Variants in PLCL1 observed in about 807,000 individuals in gnomAD.
The protein encoded by PLCL1 is inactive phospholipase C-like protein 1.
In PLCL1, 41 loss-of-function variants were observed where a neutral mutation model predicts 84.4. The observed-to-expected ratio is 0.49, with a 90% CI of 0.38 to 0.63. The LOEUF (loss-of-function observed/expected upper bound fraction) is 0.63, where lower values mean the gene tolerates loss of function less well. Among genes scored for constraint, PLCL1 ranks in the 30% least tolerant of loss-of-function variants. The pLI is 0.00. For synonymous variants in PLCL1, 490 were observed against 488.3 expected, an observed-to-expected ratio of 1.00 and a Z score of -0.05; for missense variants, 1,206 against 1,367.8, an observed-to-expected ratio of 0.88 and a Z score of 1.87.
intron 1 of PLCL1, among the ~76,000 whole-genome samples, chr2:197,813,193 C>T (rs1405733574): frequency 2.2e-4 from 34 of 152,200 alleles, no homozygotes; most frequent in Middle Eastern, 3.2e-3. Flanking sequence ...TGCTCCCCTA[C>T]AGGTCAGCCC....
chr2:197,951,874 G>T (rs1689397363), intron 1 of PLCL1, among the ~76,000 whole-genome samples: 1 of 152,146 alleles, frequency 6.6e-6, no homozygotes, highest in Non-Finnish European at 1.5e-5. Context: ...CCCATTGATT[G>T]ATTGAGTGAT....
At chr2:197,848,420 T>C (rs1687161288) in intron 1 of PLCL1, among the ~76,000 whole-genome samples, 1 of 152,176 alleles carries the variant, frequency 6.6e-6, no homozygotes, top group African/African-American at 2.4e-5. Context: ...CAACGAGAAA[T>C]AAAGATAGCT....
chr2:198,146,873 G>GC lies in PLCL1; in HGVS notation c.3204dup (p.Ser1069GlnfsTer5). On this transcript the variant is annotated frameshift_variant, in exon 6 of 6. Coordinates refer to ENST00000428675, the MANE Select transcript of PLCL1 (RefSeq NM_006226.4). LOFTEE classifies it high-confidence loss of function. ...ATGCCTGTCCTGTGGACTGAGTAAA[G>GC]CCCCCAGCAGCAGTGCTGAGGCCAA... 6.2e-7 allele frequency: 1 copy of GC among 1,613,630 alleles called. No homozygotes were observed. The highest frequency in any genetic ancestry group is 8.5e-7 in the Non-Finnish European group (1 of 1,179,738).
intron 1 of PLCL1, among the ~76,000 whole-genome samples, chr2:197,893,522 A>C (rs1042838076): frequency 1.3e-5 from 2 of 152,178 alleles, no homozygotes; most frequent in African/African-American, 4.8e-5. Flanking sequence ...CCCTCAGAAC[A>C]GTCATGTGAA....
rs1377146833 is a variant in PLCL1, at chr2:198,149,182, A to G, written c.*2220A>G. 1 of 151,450 alleles carries G rather than the reference A, an allele frequency of 6.6e-6. No individual in the cohort carries two copies. The highest frequency in any genetic ancestry group is 2.5e-5 in the African/African-American group (1 of 40,702). 9.4% of individuals were successfully genotyped at this position (151,450 alleles called of 1,614,324 possible). ...TCCAGATAGAATAGCAAAAACAAAC[A>G]ATTTTTTTTTGTGTATTATGCCTCC... is the stretch of plus-strand genomic sequence containing the variant. On this transcript the variant is annotated 3_prime_UTR_variant, in exon 6 of 6. Coordinates refer to ENST00000428675, the MANE Select transcript of PLCL1 (RefSeq NM_006226.4).
intron 1 of PLCL1, among the ~76,000 whole-genome samples, chr2:197,981,762 G>T (rs6726506): frequency 0.72 from 109,107 of 152,022 alleles, 40,089 homozygotes; most frequent in African/African-American, 0.87. Context: ...GTAGAAAGAC[G>T]TCTCAAACTA....
intron 1 of PLCL1, among the ~76,000 whole-genome samples, chr2:198,063,259 C>A: frequency 6.6e-6 from 1 of 150,724 alleles, no homozygotes; most frequent in Non-Finnish European, 1.5e-5. Flanking sequence ...TAAATGCTAC[C>A]TTGAATAAAT....
At chr2:198,107,691 T>C (rs1232902112) in intron 5 of PLCL1, among the ~76,000 whole-genome samples, 1 of 151,940 alleles carries the variant, frequency 6.6e-6, no homozygotes, top group Non-Finnish European at 1.5e-5. Flanking sequence ...ATGTTTTTGT[T>C]TGGTTTAGTA....
At chr2:198,050,187 G>T (rs1284340194) in intron 1 of PLCL1, among the ~76,000 whole-genome samples, 3 of 152,168 alleles carry the variant, frequency 2.0e-5, no homozygotes, top group Non-Finnish European at 4.4e-5. Flanking sequence ...AACAGCTCCA[G>T]CTTAATATTC....
intron 1 of PLCL1, among the ~76,000 whole-genome samples, chr2:197,897,167 TC>T: frequency 2.2e-5 from 1 of 46,302 alleles, no homozygotes; most frequent in East Asian, 4.3e-4. Context: ...TTCTTCTTCT[TC>T]TTCTTCTTCT....
At chr2:198,138,823 T>C (rs1462645318) in intron 5 of PLCL1, among the ~76,000 whole-genome samples, 1 of 152,166 alleles carries the variant, frequency 6.6e-6, no homozygotes, top group Non-Finnish European at 1.5e-5. Context: ...GCTGGTATTA[T>C]CAATCACAAG....
At chr2:197,820,103 C>G (rs924156998) in intron 1 of PLCL1, among the ~76,000 whole-genome samples, 1 of 151,904 alleles carries the variant, frequency 6.6e-6, no homozygotes, top group Non-Finnish European at 1.5e-5. Context: ...AAGCAACCAC[C>G]GTTTATTGAG....
At position 198,101,144 on chromosome 2, in the gene PLCL1, C is replaced by T. The variant is rs1693321426; in HGVS notation, c.2920-141C>T. The T allele has an allele frequency of 4.6e-6, 3 of 653,960 alleles. No individual in the cohort carries two copies. The East Asian group carries it at 7.8e-5, about 17-fold the overall frequency. The allele number at this position is 653,960 out of a possible 1,614,324, so 40.5% of individuals were successfully genotyped here. A position where few individuals can be genotyped will look rare whatever the true frequency, so the allele number is the denominator to read the frequency against. On this transcript the variant is annotated intron_variant, in intron 3 of 5. Transcript: ENST00000428675. ...GGATGGGGGTTGGAACAGAGCTTAT[C>T]CTTCTCCCTCCCATCTGTTGTGGTG...
rs143616616 is a variant in PLCL1, at chr2:197,960,913, G to A, written c.241-122845G>A. On this transcript the variant is annotated intron_variant, in intron 1 of 5. Transcript: ENST00000428675. ...TCCTTCATAAAAGTAATTCGGTAATGTTAGAATCTCTGTCAGTTTCTTGGC... is the reference window on the plus strand; with the variant it reads ...TCCTTCATAAAAGTAATTCGGTAATATTAGAATCTCTGTCAGTTTCTTGGC... 3.2e-3 allele frequency among the ~76,000 whole-genome samples: 481 copies of A among 152,138 alleles called. 6 individuals are homozygous for A. Among genetic ancestry groups the A allele is most frequent in the African/African-American group, 0.011 (464 of 41,536 alleles).
intron 1 of PLCL1, among the ~76,000 whole-genome samples, chr2:197,857,308 GCATGCTTTTAAATCACCACCAGTACAA>G (rs1687348274): frequency 6.6e-6 from 1 of 151,916 alleles, no homozygotes; most frequent in South Asian, 2.1e-4. Flanking sequence ...AGGCTGCCTG[GCATGCTTTTAAATCACCACCAGTACAA>G]CCTCTGCAGA....
intron 1 of PLCL1, among the ~76,000 whole-genome samples, chr2:197,981,613 G>A (rs13394871): frequency 0.49 from 74,137 of 151,982 alleles, 18,590 homozygotes; most frequent in Middle Eastern, 0.58. Flanking sequence ...TTGTTCTTAC[G>A]TAGAATTTTT....
intron 1 of PLCL1, among the ~76,000 whole-genome samples, chr2:198,032,201 C>G (rs1279588001): frequency 6.6e-6 from 1 of 152,108 alleles, no homozygotes; most frequent in East Asian, 1.9e-4. Context: ...ACTGTGAAAA[C>G]CTACTGGTTT....
chr2:197,959,869 C>T (rs749074030), intron 1 of PLCL1, among the ~76,000 whole-genome samples: 69 of 152,046 alleles, frequency 4.5e-4, no homozygotes, highest in Admixed American at 6.6e-4. Context: ...CCATTTCATT[C>T]GCCTGGTTCA....
At chr2:197,970,497 C>A (rs1689840779) in intron 1 of PLCL1, among the ~76,000 whole-genome samples, 1 of 152,128 alleles carries the variant, frequency 6.6e-6, no homozygotes, top group Non-Finnish European at 1.5e-5. Flanking sequence ...GTGTAAAACC[C>A]ATGCTGAATT....
Sources: gnomAD v4.1 joint callset for allele counts (sites outside exome capture counted in the v4.1 genomes callset) on GRCh38, gnomAD v4.1.1 for gene constraint, MANE v1.5 for transcripts, NCBI Gene and HGNC (gene_info 2026-07-23, HGNC 2026-07-21) for gene names.